The following PRLR variants were observed in gnomAD, a reference collection of about 807,000 sequenced individuals.
The protein encoded by PRLR is hPRL receptor.
PRLR carries 13 observed loss-of-function variants against 40.2 expected under a neutral mutation model. The observed-to-expected ratio is 0.32, with a 90% CI of 0.21 to 0.51. The LOEUF (loss-of-function observed/expected upper bound fraction) is 0.51, where lower values mean the gene tolerates loss of function less well. Among genes scored for constraint, PRLR ranks in the 20% least tolerant of loss-of-function variants. PRLR has a pLI of 0.97. For missense variants in PRLR, 656 were observed against 747.3 expected, an observed-to-expected ratio of 0.88 and a Z score of 1.42; for synonymous variants, 269 against 278.7, an observed-to-expected ratio of 0.97 and a Z score of 0.35.
At chr5:35,201,124 AAAGATAGTACTCAAAATTATG>A (rs369665328) in intron 1 of PRLR, among the ~76,000 whole-genome samples, 18 of 152,322 alleles carry the variant, frequency 1.2e-4, no homozygotes, top group African/African-American at 4.1e-4. Context: ...TGGTGACAAT[AAAGATAGTACTCAAAATTATG>A]AAGATTAGAA....
chr5:35,089,716 C>T, intron 2 of PRLR, 53 bp from the exon 3 acceptor site: 1 of 1,094,076 alleles, frequency 9.1e-7, no homozygotes, highest in Non-Finnish European at 1.4e-6. Context: ...TGGTCAGGCA[C>T]ATCCACCACT....
chr5:35,094,514 C>T (rs528449393), intron 2 of PRLR, among the ~76,000 whole-genome samples: 4 of 152,092 alleles, frequency 2.6e-5, no homozygotes, highest in Admixed American at 6.6e-5. Flanking sequence ...GATCAAAACT[C>T]GAATGGCAGG....
At chr5:35,175,363 C>T (rs1007731853) in intron 1 of PRLR, among the ~76,000 whole-genome samples, 3 of 152,186 alleles carry the variant, frequency 2.0e-5, no homozygotes, top group African/African-American at 7.2e-5. Context: ...TCTTCCACCA[C>T]GATTGTGAGG....
Position 35,129,492 on chromosome 5 carries a change from G to A in PRLR, c.-105-11370C>T, listed in dbSNP as rs1311479482. On this transcript the variant is annotated intron_variant, in intron 1 of 9. Transcript: ENST00000618457. ...TTCCTCTGGCCTAACAAAGTTGGGAGGATTTACACAAAGGTCAAGGGATCA... is the reference window on the plus strand; with the variant it reads ...TTCCTCTGGCCTAACAAAGTTGGGAAGATTTACACAAAGGTCAAGGGATCA... Among the ~76,000 whole-genome samples, 6 of 152,176 alleles carry A rather than the reference G, an allele frequency of 3.9e-5. No individual in the cohort carries two copies. In the South Asian group the frequency reaches 1.0e-3, roughly 26 times the overall value.
intron 2 of PRLR, among the ~76,000 whole-genome samples, chr5:35,095,477 G>A (rs936593317): frequency 6.6e-6 from 1 of 152,172 alleles, no homozygotes; most frequent in African/African-American, 2.4e-5. Context: ...CATGGCAGCC[G>A]CTCTTTCAGG....
intron 2 of PRLR, among the ~76,000 whole-genome samples, chr5:35,093,235 G>A (rs1771330638): frequency 6.6e-6 from 1 of 152,120 alleles, no homozygotes; most frequent in African/African-American, 2.4e-5. Context: ...CATTAGGAAG[G>A]GAATAACATA....
intron 1 of PRLR, among the ~76,000 whole-genome samples, chr5:35,147,504 T>G (rs1332791908): frequency 6.6e-6 from 1 of 152,224 alleles, no homozygotes; most frequent in Non-Finnish European, 1.5e-5. Context: ...ATTTATGTCT[T>G]GCAGGACAGA....
At chr5:35,054,650 A>C (rs1340281489), downstream of PRLR, among the ~76,000 whole-genome samples, 1 of 152,218 alleles carries the variant, frequency 6.6e-6, no homozygotes, top group African/African-American at 2.4e-5. Context: ...AAAGCAGTGA[A>C]AATTAAATGT....
At chr5:35,118,998 G>A (rs533259018) in intron 1 of PRLR, among the ~76,000 whole-genome samples, 1 of 152,182 alleles carries the variant, frequency 6.6e-6, no homozygotes, top group East Asian at 1.9e-4. Context: ...GTTTTGCCAT[G>A]TTGGCCAGGC....
chr5:35,214,243 C>T (rs1233797312), intron 1 of PRLR, among the ~76,000 whole-genome samples: 1 of 152,194 alleles, frequency 6.6e-6, no homozygotes, highest in African/African-American at 2.4e-5. Flanking sequence ...AGTTTTCCTC[C>T]ATGCTTATCA....
In PRLR at chr5:35,070,837, G is replaced by A. The variant is rs531770332; in HGVS notation, c.544-572C>T. On this transcript the variant is annotated intron_variant, in intron 6 of 9. Coordinates refer to ENST00000618457, the MANE Select transcript of PRLR (RefSeq NM_000949.7). ...CAGCTGAGTGACAAAGCGAAACTCC[G>A]TCTCAAAAAAAAAAAAAAAAAAAAA... is the stretch of plus-strand genomic sequence containing the variant. Among the ~76,000 whole-genome samples, 6 of 93,932 alleles carry A rather than the reference G, an allele frequency of 6.4e-5. 1 individual carries two copies. In the South Asian group the frequency reaches 1.1e-3, roughly 17 times the overall value. The allele number at this position is 93,932 out of a possible 152,430, so 61.6% of individuals were successfully genotyped here.
chr5:35,156,809 G>A lies in PRLR; in HGVS notation c.-105-38687C>T, dbSNP rs185416484. On this transcript the variant is annotated intron_variant, in intron 1 of 9. Transcript: ENST00000618457. ...TCCAAACTTCTAGACAACATTCTGA[G>A]TACCAAGAGCTCCTGCCCCTGTGGC... 6.6e-5 allele frequency among the ~76,000 whole-genome samples: 10 copies of A among 152,212 alleles called. No homozygotes were observed. In the East Asian group the frequency reaches 2.0e-3, roughly 30 times the overall value.
At chr5:35,207,907 G>A (rs1026433021) in intron 1 of PRLR, among the ~76,000 whole-genome samples, 3 of 152,044 alleles carry the variant, frequency 2.0e-5, no homozygotes, top group Non-Finnish European at 2.9e-5. Flanking sequence ...CAGTTTAGAC[G>A]TTTCATTAAA....
chr5:35,191,097 G>T (rs1775592675), intron 1 of PRLR, among the ~76,000 whole-genome samples: 1 of 102,560 alleles, frequency 9.8e-6, no homozygotes, highest in Middle Eastern at 5.8e-3. Flanking sequence ...TTGAGACGGA[G>T]TCTCGCTCTG....
chr5:35,214,921 T>C (rs1180837304), intron 1 of PRLR, among the ~76,000 whole-genome samples: 2 of 152,118 alleles, frequency 1.3e-5, no homozygotes, highest in African/African-American at 2.4e-5. Context: ...ATCTGGAAAA[T>C]AGTTGACCAT....
Position 35,084,628 on chromosome 5 carries a change from A to G in PRLR, c.215T>C (p.Met72Thr). Residue 72 changes from methionine (M) to threonine (T), a missense_variant, in exon 5 of 10, where the codon ATG becomes ACG. By Grantham distance (81) the Met-to-Thr change is moderately conservative. Coordinates refer to ENST00000618457, the MANE Select transcript of PRLR (RefSeq NM_000949.7). ...GGTTATGTAGTCTGGACATTCATGC[A>G]TGAGTGTCTCTCTGCAATAAGTAAT... ...LTYHREGETL[M>T]HECPDYITGG... The G allele has an allele frequency of 1.9e-6, 3 of 1,610,040 alleles. No homozygotes were observed. Among genetic ancestry groups the G allele is most frequent in the Non-Finnish European group, 2.5e-6 (3 of 1,178,534 alleles).
chr5:35,179,480 C>T (rs1352981570), intron 1 of PRLR, among the ~76,000 whole-genome samples: 1 of 152,132 alleles, frequency 6.6e-6, no homozygotes, highest in Non-Finnish European at 1.5e-5. Flanking sequence ...TCATGAAGCT[C>T]CCAATTCAGC....
chr5:35,056,477 G>C lies in PRLR; in HGVS notation c.*8612C>G, dbSNP rs1016964761. 7 of 152,128 alleles carry C rather than the reference G, an allele frequency of 4.6e-5. No individual in the cohort carries two copies. 9.4% of individuals were successfully genotyped at this position (152,128 alleles called of 1,614,324 possible). ...ATTTCAAAGTTTCTATTAAATGGAAGTTGCATCTTCCAGCCCCAAAGAAAC... is the reference window on the plus strand; with the variant it reads ...ATTTCAAAGTTTCTATTAAATGGAACTTGCATCTTCCAGCCCCAAAGAAAC... On this transcript the variant is annotated 3_prime_UTR_variant, in exon 10 of 10. Coordinates refer to ENST00000618457, the MANE Select transcript of PRLR (RefSeq NM_000949.7).
At chr5:35,187,328 G>C (rs529273130) in intron 1 of PRLR, among the ~76,000 whole-genome samples, 2 of 152,020 alleles carry the variant, frequency 1.3e-5, no homozygotes, top group Admixed American at 6.5e-5. Context: ...TTGAACCCTG[G>C]AGGCAGAGGT....
Sources: allele counts gnomAD v4.1 joint callset (sites outside exome capture counted in the v4.1 genomes callset), GRCh38; gene constraint gnomAD v4.1.1; transcripts MANE v1.5; gene names NCBI Gene and HGNC (gene_info 2026-07-23, HGNC 2026-07-21).